KHDRBS2: variants seen among roughly 807,000 people sequenced by gnomAD.
The protein encoded by KHDRBS2 is KH RNA binding domain containing, signal transduction associated 2.
Under a neutral mutation model 44.3 loss-of-function variants are expected in KHDRBS2, and 26 were observed. The ratio of observed to expected loss-of-function variants is 0.59; its 90% CI spans 0.43 to 0.81. The LOEUF (loss-of-function observed/expected upper bound fraction) is 0.81. Among genes scored for constraint, KHDRBS2 ranks in the 40% least tolerant of loss-of-function variants. The probability of loss-of-function intolerance (pLI) is 0.00; values close to 1 mark genes in which losing one functional copy is unlikely to be tolerated. For synonymous variants in KHDRBS2, 194 were observed against 151.1 expected, an observed-to-expected ratio of 1.28 and a Z score of -2.08; for missense variants, 476 against 433.1, an observed-to-expected ratio of 1.10 and a Z score of -0.88.
chr6:61,542,800 A>C, the KHDRBS2 span, among the ~76,000 whole-genome samples: 1 of 152,004 alleles, frequency 6.6e-6, no homozygotes, highest in East Asian at 1.9e-4. Context: ...TCACCACAAA[A>C]TTCACAGACA....
At chr6:61,701,689 A>C (rs1425598649) in intron 7 of KHDRBS2, among the ~76,000 whole-genome samples, 1 of 151,910 alleles carries the variant, frequency 6.6e-6, no homozygotes, top group East Asian at 1.9e-4. Flanking sequence ...TTAAAAAGAC[A>C]AAACAAAACA....
At chr6:61,766,886 C>T (rs1780091107) in intron 6 of KHDRBS2, among the ~76,000 whole-genome samples, 2 of 151,808 alleles carry the variant, frequency 1.3e-5, no homozygotes, top group Non-Finnish European at 2.9e-5. Context: ...TAATATATGG[C>T]CTGTCTTTAA....
In KHDRBS2 at chr6:61,897,239, G is replaced by A. The variant is rs182906421; in HGVS notation, c.612-2406C>T. ...AATTAAACCACAATCTCTGGAGACA[G>A]GGAGCTCCCAGTGATTCCAAAATAC... On this transcript the variant is annotated intron_variant, in intron 5 of 8. Transcript: ENST00000281156. Among the ~76,000 whole-genome samples, 676 of 152,236 alleles carry A rather than the reference G, an allele frequency of 4.4e-3. 8 individuals are homozygous for A. Among genetic ancestry groups the A allele is most frequent in the African/African-American group, 0.015 (636 of 41,572 alleles).
intron 4 of KHDRBS2, among the ~76,000 whole-genome samples, chr6:61,951,414 C>T (rs1764715040): frequency 6.6e-6 from 1 of 151,990 alleles, no homozygotes; most frequent in African/African-American, 2.4e-5. Flanking sequence ...TGACATTCAA[C>T]AAGTACATTT....
chr6:62,042,666 C>G (rs991637514), intron 3 of KHDRBS2, among the ~76,000 whole-genome samples: 7 of 152,006 alleles, frequency 4.6e-5, no homozygotes, highest in African/African-American at 1.4e-4. Context: ...CCCATATTGC[C>G]CACTAGGCAG....
At position 61,870,668 on chromosome 6, in the gene KHDRBS2, C is replaced by T. The variant is rs568549108; in HGVS notation, c.810+23967G>A. 2.0e-5 allele frequency among the ~76,000 whole-genome samples: 3 copies of T among 152,268 alleles called. No homozygotes were observed. In the South Asian group the frequency reaches 6.2e-4, roughly 32 times the overall value. On this transcript the variant is annotated intron_variant, in intron 6 of 8. Coordinates refer to ENST00000281156, the MANE Select transcript of KHDRBS2 (RefSeq NM_152688.4). ...AGGTGCCCCTCTGGGACGAAGCTCC[C>T]AGAGGAAAGAACAGGCAGCAATTTT...
intron 6 of KHDRBS2, among the ~76,000 whole-genome samples, chr6:61,768,673 T>A (rs1169880004): frequency 6.6e-6 from 1 of 152,010 alleles, no homozygotes; most frequent in Non-Finnish European, 1.5e-5. Context: ...AGTGTGTCAA[T>A]TGCATTTTTT....
chr6:61,914,924 C>A (rs565750052), intron 4 of KHDRBS2, among the ~76,000 whole-genome samples: 4 of 152,070 alleles, frequency 2.6e-5, no homozygotes, highest in Non-Finnish European at 5.9e-5. Flanking sequence ...AACGAGCAAT[C>A]CAGGTAGATG....
the KHDRBS2 span, among the ~76,000 whole-genome samples, chr6:61,657,590 G>A: frequency 1.3e-5 from 2 of 151,890 alleles, no homozygotes; most frequent in Non-Finnish European, 1.5e-5. Context: ...AAACAAACGT[G>A]TCCTACAAAA....
At chr6:62,197,876 T>C (rs911724908) in intron 1 of KHDRBS2, among the ~76,000 whole-genome samples, 24 of 152,120 alleles carry the variant, frequency 1.6e-4, no homozygotes, top group Non-Finnish European at 1.3e-4. Context: ...ACAGAAATTA[T>C]AACAAACTGT....
chr6:61,598,571 G>A, the KHDRBS2 span, among the ~76,000 whole-genome samples: 9 of 152,208 alleles, frequency 5.9e-5, no homozygotes, highest in Non-Finnish European at 1.2e-4. Context: ...TTTCCTGGGG[G>A]TAGAAAGAAT....
chr6:61,606,041 G>T, the KHDRBS2 span, among the ~76,000 whole-genome samples: 1 of 152,078 alleles, frequency 6.6e-6, no homozygotes, highest in African/African-American at 2.4e-5. Context: ...GTTCATCCTT[G>T]CTCAAAAGCT....
At chr6:62,020,245 T>C (rs1223408032) in intron 3 of KHDRBS2, among the ~76,000 whole-genome samples, 2 of 152,060 alleles carry the variant, frequency 1.3e-5, no homozygotes, top group Non-Finnish European at 2.9e-5. Context: ...TTTCCAGAGG[T>C]ATTATTTTCC....
chr6:61,985,248 G>A (rs1487510667), intron 3 of KHDRBS2, among the ~76,000 whole-genome samples: 3 of 152,058 alleles, frequency 2.0e-5, no homozygotes, highest in Admixed American at 6.6e-5. Flanking sequence ...ATATGGGTTA[G>A]CCTCAACTGC....
At chr6:62,084,892 A>G (rs1364920347) in intron 2 of KHDRBS2, among the ~76,000 whole-genome samples, 1 of 152,098 alleles carries the variant, frequency 6.6e-6, no homozygotes, top group East Asian at 1.9e-4. Flanking sequence ...TTTGCTTTCA[A>G]GAAAGATAAG....
At chr6:62,054,513 A>G (rs1019889482) in intron 2 of KHDRBS2, among the ~76,000 whole-genome samples, 4 of 152,054 alleles carry the variant, frequency 2.6e-5, no homozygotes, top group African/African-American at 9.7e-5. Context: ...GGGTGTGATT[A>G]AATTAGAGAT....
At chr6:61,693,580 C>G (rs976097012) in intron 8 of KHDRBS2, among the ~76,000 whole-genome samples, 6 of 152,082 alleles carry the variant, frequency 3.9e-5, no homozygotes, top group African/African-American at 1.4e-4. Context: ...AAAATTGCTG[C>G]CTAATTAATA....
chr6:62,118,702 C>G (rs1293950051), intron 2 of KHDRBS2, among the ~76,000 whole-genome samples: 1 of 152,114 alleles, frequency 6.6e-6, no homozygotes, highest in Non-Finnish European at 1.5e-5. Context: ...CAGAAGAATG[C>G]AGAAAGCAGA....
chr6:61,724,153 G>A (rs781676959), intron 7 of KHDRBS2, among the ~76,000 whole-genome samples: 1 of 152,076 alleles, frequency 6.6e-6, no homozygotes, highest in Non-Finnish European at 1.5e-5. Flanking sequence ...GAGATTGGGG[G>A]CCAATATTCA....
Sources: gnomAD v4.1 joint callset for allele counts (sites outside exome capture counted in the v4.1 genomes callset) on GRCh38, gnomAD v4.1.1 for gene constraint, MANE v1.5 for transcripts, NCBI Gene and HGNC (gene_info 2026-07-23, HGNC 2026-07-21) for gene names.